The following PRDM6 variants were observed in gnomAD, a reference collection of about 807,000 sequenced individuals.
PRDM6 encodes PR/SET domain 6.
Under a neutral mutation model 60.8 loss-of-function variants are expected in PRDM6, and 25 were observed. The observed-to-expected ratio is 0.41, with a 90% CI of 0.30 to 0.57. PRDM6 has a LOEUF of 0.57. Among genes scored for constraint, PRDM6 ranks in the 20% least tolerant of loss-of-function variants. PRDM6 has a pLI of 0.27. For synonymous variants in PRDM6, 407 were observed against 357.4 expected (o/e 1.14, Z -1.57); for missense variants, 839 against 821.3 (o/e 1.02, Z -0.26).
intron 6 of PRDM6, among the ~76,000 whole-genome samples, chr5:123,174,856 A>G (rs1221984670): frequency 6.6e-6 from 1 of 152,230 alleles, no homozygotes; most frequent in East Asian, 1.9e-4. Context: ...TCCAGGAACC[A>G]TGGAATTATT....
rs139876653 is a variant in PRDM6 at position 123,172,171 on chromosome 5, A to G, written c.1496+1063A>G. Among the ~76,000 whole-genome samples, 881 of 152,136 alleles carry G rather than the reference A, an allele frequency of 5.8e-3. 8 individuals carry two copies. Among genetic ancestry groups the G allele is most frequent in the African/African-American group, 0.02 (845 of 41,490 alleles). On this transcript the variant is annotated intron_variant, in intron 6 of 7. Transcript: ENST00000407847. ...CTCTTCCCTCCCAGCTCTGGAGGGT[A>G]CACAGTGTGCCTAGAAAACCCAAGC... is the stretch of plus-strand genomic sequence containing the variant.
At chr5:123,119,358 A>G (rs1000823567) in intron 3 of PRDM6, among the ~76,000 whole-genome samples, 4 of 152,182 alleles carry the variant, frequency 2.6e-5, no homozygotes, top group Non-Finnish European at 5.9e-5. Flanking sequence ...GGGCAAAATG[A>G]TGACAGTTTC....
At position 123,099,790 on chromosome 5, in the gene PRDM6, C is replaced by T. The variant is rs1336583379; in HGVS notation, c.729C>T (p.Asp243=). 1.3e-6 allele frequency: 2 copies of T among 1,548,748 alleles called. No homozygotes were observed. The highest frequency in any genetic ancestry group is 1.2e-5 in the South Asian group (1 of 83,882). Residue 243 remains aspartate, a synonymous_variant, in exon 3 of 8, where the codon GAC becomes GAT. Transcript: ENST00000407847. This position sits in a 1 kb window ranked among gnomAD's most constrained non-coding sequence, Gnocchi z 4.0. ...PPPELPEWLR[D]LPREVCLCTS... Reference sequence around the variant, plus strand: ...CGGAGCTGCCGGAGTGGCTGCGGGACCTGCCTCGCGAGGTGTGCCTCTGCA... The same window carrying T: ...CGGAGCTGCCGGAGTGGCTGCGGGATCTGCCTCGCGAGGTGTGCCTCTGCA...
At chr5:123,106,128 A>G (rs1344638916) in intron 3 of PRDM6, among the ~76,000 whole-genome samples, 1 of 152,266 alleles carries the variant, frequency 6.6e-6, no homozygotes, top group Non-Finnish European at 1.5e-5. Flanking sequence ...TCAGTGCACC[A>G]TAAATGTCAG....
intron 3 of PRDM6, among the ~76,000 whole-genome samples, chr5:123,149,265 A>T (rs2126867728): frequency 6.6e-6 from 1 of 152,228 alleles, no homozygotes; most frequent in South Asian, 2.1e-4. Flanking sequence ...GCAGTGCTGG[A>T]TCTCTGTGGA....
At chr5:123,149,829 T>C (rs1236941054) in intron 3 of PRDM6, among the ~76,000 whole-genome samples, 1 of 152,234 alleles carries the variant, frequency 6.6e-6, no homozygotes, top group Non-Finnish European at 1.5e-5. Flanking sequence ...TTTTTCTTCT[T>C]TCTCTTTTCT....
At chr5:123,137,008 C>T (rs2126856957) in intron 3 of PRDM6, among the ~76,000 whole-genome samples, 1 of 152,332 alleles carries the variant, frequency 6.6e-6, no homozygotes, top group East Asian at 1.9e-4. Flanking sequence ...CAAGACACTT[C>T]TTCTCTTCAT....
Position 123,190,060 on chromosome 5 carries a change from A to G in PRDM6, c.*2859A>G, listed in dbSNP as rs1040835112. ...AACTTCCTAATTAGTAGTGCTATAA[A>G]GAGAGTAAATGCTCTGAATCACTGG... On this transcript the variant is annotated 3_prime_UTR_variant, in exon 8 of 8. Coordinates refer to ENST00000407847, the MANE Select transcript of PRDM6 (RefSeq NM_001136239.4). The G allele has an allele frequency of 6.6e-6, 1 of 152,228 alleles. No individual in the cohort carries two copies. The highest frequency in any genetic ancestry group is 2.4e-5 in the African/African-American group (1 of 41,454). 9.4% of individuals were successfully genotyped at this position (152,228 alleles called of 1,614,324 possible). A position where few individuals can be genotyped will look rare whatever the true frequency, so the allele number is the denominator to read the frequency against.
rs1415581010 is a variant in PRDM6 at position 123,099,850 on chromosome 5, C to T, written c.789C>T (p.Cys263=). ...TGCCCGGCCTGGCCTACGGCATCTG[C>T]GCGGCGCAGAGGATCCAGCAAGGCA... is the stretch of plus-strand genomic sequence containing the variant. The part of the protein sequence containing the change: ...STVPGLAYGI[C]AAQRIQQGTW... The change falls in exon 3 of 8, where the codon TGC becomes TGT. Residue 263 remains cysteine, a synonymous_variant. Transcript: ENST00000407847. This position sits in a 1 kb window ranked among gnomAD's most constrained non-coding sequence, Gnocchi z 4.0. The T allele has an allele frequency of 1.3e-6, 2 of 1,550,468 alleles. No homozygotes were observed. Among genetic ancestry groups the T allele is most frequent in the Non-Finnish European group, 8.7e-7 (1 of 1,146,760 alleles).
At chr5:123,143,354 T>TCAG (rs915407056) in intron 3 of PRDM6, among the ~76,000 whole-genome samples, 3 of 152,140 alleles carry the variant, frequency 2.0e-5, no homozygotes, top group African/African-American at 7.2e-5. Context: ...TTATTTCCTT[T>TCAG]CAGCCCACAG....
chr5:123,095,434 C>G (rs2150205930), intron 2 of PRDM6, among the ~76,000 whole-genome samples: 1 of 152,370 alleles, frequency 6.6e-6, no homozygotes, highest in Middle Eastern at 3.4e-3. Context: ...GGCGTGAACC[C>G]CACGCGAGAA....
chr5:123,137,130 G>A (rs1322167014), intron 3 of PRDM6, among the ~76,000 whole-genome samples: 1 of 152,186 alleles, frequency 6.6e-6, no homozygotes, highest in African/African-American at 2.4e-5. Context: ...CAGCAGATAT[G>A]TGTTTGCTGT....
chr5:123,100,250 G>A (rs1020412856), intron 3 of PRDM6, among the ~76,000 whole-genome samples: 5 of 152,210 alleles, frequency 3.3e-5, no homozygotes, highest in Admixed American at 3.3e-4. Flanking sequence ...CTCCATTCCA[G>A]CTGGAATGGA....
rs1333069780 is a variant in PRDM6 at position 123,192,255 on chromosome 5, CA to C, written c.*5057del. 1 of 152,192 alleles carries C rather than the reference CA, an allele frequency of 6.6e-6. No homozygotes were observed. Among genetic ancestry groups the C allele is most frequent in the African/African-American group, 2.4e-5 (1 of 41,446 alleles). 9.4% of individuals were successfully genotyped at this position (152,192 alleles called of 1,614,324 possible). On this transcript the variant is annotated 3_prime_UTR_variant, in exon 8 of 8. Coordinates refer to ENST00000407847, the MANE Select transcript of PRDM6 (RefSeq NM_001136239.4). ...CTTTTAATCCTTAGTAACTCTATAA[CA>C]AAGATACTATCATTATCCCCTTCTC... is the stretch of plus-strand genomic sequence containing the variant.
intron 3 of PRDM6, among the ~76,000 whole-genome samples, chr5:123,131,395 T>C (rs1325712196): frequency 6.6e-6 from 1 of 152,194 alleles, no homozygotes; most frequent in East Asian, 1.9e-4. Context: ...GTTACCCATG[T>C]TTGATTACTA....
chr5:123,095,159 G>T (rs548438177), intron 2 of PRDM6, among the ~76,000 whole-genome samples: 2 of 152,366 alleles, frequency 1.3e-5, no homozygotes, highest in South Asian at 4.1e-4. Flanking sequence ...CCGCTCCCGG[G>T]GCTTGGAAGA....
intron 3 of PRDM6, among the ~76,000 whole-genome samples, chr5:123,146,612 G>A (rs991294860): frequency 2.0e-5 from 3 of 152,128 alleles, no homozygotes; most frequent in African/African-American, 7.2e-5. Context: ...TGTTGTTGTT[G>A]TTGTTTCCAA....
In PRDM6 at chr5:123,193,697, G is replaced by C. The variant is rs535581742; in HGVS notation, c.*6496G>C. ...TTATTTTGGAAACTTAATGTCCCAA[G>C]TTAATTATTTTTTTTATATCAAGGG... On this transcript the variant is annotated 3_prime_UTR_variant, in exon 8 of 8. Coordinates refer to ENST00000407847, the MANE Select transcript of PRDM6 (RefSeq NM_001136239.4). 1 of 152,288 alleles carries C rather than the reference G, an allele frequency of 6.6e-6. No individual in the cohort carries two copies. Among genetic ancestry groups the C allele is most frequent in the African/African-American group, 2.4e-5 (1 of 41,564 alleles). 9.4% of individuals were successfully genotyped at this position (152,288 alleles called of 1,614,324 possible).
intron 2 of PRDM6, among the ~76,000 whole-genome samples, chr5:123,095,185 G>A (rs888579013): frequency 1.3e-5 from 2 of 152,248 alleles, no homozygotes; most frequent in Non-Finnish European, 2.9e-5. Flanking sequence ...GCCGGGTAGA[G>A]GAGGAGGGCC....
Sources: gnomAD v4.1 joint callset for allele counts (sites outside exome capture counted in the v4.1 genomes callset) on GRCh38, gnomAD v4.1.1 for gene constraint, Gnocchi (gnomAD v3.1) non-coding constraint, MANE v1.5 for transcripts, NCBI Gene and HGNC (gene_info 2026-07-23, HGNC 2026-07-21) for gene names.